DLC1: variants seen among roughly 807,000 people sequenced by gnomAD.
The protein encoded by DLC1 is rho GTPase-activating protein 7.
DLC1 carries 54 observed loss-of-function variants against 140.3 expected under a neutral mutation model. The observed-to-expected ratio is 0.38, with a 90% CI of 0.31 to 0.48. The LOEUF is 0.48. Among genes scored for constraint, DLC1 ranks in the 20% least tolerant of loss-of-function variants. DLC1 has a pLI of 0.96. For missense variants in DLC1, 2,536 were observed against 1,907.0 expected (o/e 1.33, Z -6.14); for synonymous variants, 986 against 728.1 (o/e 1.35, Z -5.70).
At chr8:13,116,702 T>C (rs905686560) in intron 5 of DLC1, among the ~76,000 whole-genome samples, 4 of 152,230 alleles carry the variant, frequency 2.6e-5, no homozygotes, top group Non-Finnish European at 5.9e-5. Flanking sequence ...CCTGAGTTCC[T>C]TGGCCTTTGA....
At chr8:13,449,728 G>C (rs1253714267) in intron 2 of DLC1, among the ~76,000 whole-genome samples, 2 of 152,062 alleles carry the variant, frequency 1.3e-5, no homozygotes, top group South Asian at 2.1e-4. Context: ...TAAATGACAA[G>C]TTAATGGGTA....
intron 5 of DLC1, among the ~76,000 whole-genome samples, chr8:13,160,548 G>A (rs1323225238): frequency 6.6e-6 from 1 of 152,182 alleles, no homozygotes; most frequent in Non-Finnish European, 1.5e-5. Flanking sequence ...TCCATAAGGC[G>A]AGCAAGGGCC....
At position 13,484,241 on chromosome 8, in the gene DLC1, A is replaced by T. The variant is rs561914590; in HGVS notation, c.1023+14808T>A. Among the ~76,000 whole-genome samples the T allele has an allele frequency of 2.0e-5, 3 of 152,332 alleles. No homozygotes were observed. The East Asian group carries it at 5.8e-4, about 29-fold the overall frequency. ...AGAATAAAGGAAATGGATATGAGAGATCATGAAGATGTAAAATTATTATGT... is the reference window on the plus strand; with the variant it reads ...AGAATAAAGGAAATGGATATGAGAGTTCATGAAGATGTAAAATTATTATGT... On this transcript the variant is annotated intron_variant, in intron 2 of 17. Transcript: ENST00000276297.
intron 5 of DLC1, among the ~76,000 whole-genome samples, chr8:13,185,741 T>C (rs896243426): frequency 2.0e-5 from 3 of 152,188 alleles, no homozygotes; most frequent in African/African-American, 7.2e-5. Context: ...CTGCCTAACA[T>C]TGATGGTCTT....
At chr8:13,539,259 G>T (rs1803404201) in intron 1 of DLC1, among the ~76,000 whole-genome samples, 1 of 152,006 alleles carries the variant, frequency 6.6e-6, no homozygotes. Context: ...GAGTGCAGTG[G>T]CGCAATCTCA....
chr8:13,218,293 G>T (rs917004704), intron 5 of DLC1, among the ~76,000 whole-genome samples: 2 of 152,090 alleles, frequency 1.3e-5, no homozygotes, highest in African/African-American at 4.8e-5. Context: ...ACTCCTAGAA[G>T]AAAGCATAGA....
At chr8:13,567,818 T>G in intron 1 of DLC1, 1 of 1,551,842 alleles carries the variant, frequency 6.4e-7, no homozygotes, top group Non-Finnish European at 8.7e-7. Context: ...TACTCTGGTT[T>G]TGAAAGATCA....
At chr8:13,365,841 A>G (rs1835454646) in intron 4 of DLC1, among the ~76,000 whole-genome samples, 1 of 152,178 alleles carries the variant, frequency 6.6e-6, no homozygotes, top group African/African-American at 2.4e-5. Context: ...TTAAAAATAA[A>G]TATATACAAG....
At position 13,167,741 on chromosome 8, in the gene DLC1, A is replaced by G. The variant is rs539533376; in HGVS notation, c.1349-52084T>C. Among the ~76,000 whole-genome samples, 12 of 152,350 alleles carry G rather than the reference A, an allele frequency of 7.9e-5. No homozygotes were observed. In the South Asian group the frequency reaches 1.7e-3, roughly 21 times the overall value. On this transcript the variant is annotated intron_variant, in intron 5 of 17. Transcript: ENST00000276297. The stretch of plus-strand genomic sequence containing the variant: ...AATTCTGGGCGGAGTCCCACAAAAC[A>G]GTATTTATTTGATCCATACAGTCTT...
chr8:13,099,326 A>G (rs1301443635), intron 9 of DLC1, 21 bp downstream of exon 9: 2 of 1,602,370 alleles, frequency 1.2e-6, no homozygotes, highest in Non-Finnish European at 1.7e-6. Context: ...CCACACCCGG[A>G]GGCAGGAGAA....
At chr8:13,268,276 A>C (rs1445291372) in intron 5 of DLC1, among the ~76,000 whole-genome samples, 1 of 152,198 alleles carries the variant, frequency 6.6e-6, no homozygotes, top group Non-Finnish European at 1.5e-5. Context: ...TCTTATAAAG[A>C]GGAGAATGGC....
chr8:13,192,327 T>C (rs1826806718), intron 5 of DLC1, among the ~76,000 whole-genome samples: 1 of 152,246 alleles, frequency 6.6e-6, no homozygotes, highest in Admixed American at 6.5e-5. Context: ...GTGATGCCCT[T>C]TTTAAAAATG....
intron 5 of DLC1, among the ~76,000 whole-genome samples, chr8:13,231,799 A>G (rs1472303585): frequency 6.6e-6 from 1 of 152,242 alleles, no homozygotes; most frequent in African/African-American, 2.4e-5. Context: ...AATTCCTTTT[A>G]AACAATCTTT....
chr8:13,245,756 A>G (rs1010869503), intron 5 of DLC1, among the ~76,000 whole-genome samples: 1 of 152,076 alleles, frequency 6.6e-6, no homozygotes, highest in African/African-American at 2.4e-5. Flanking sequence ...GCTGGAGTGC[A>G]GTGGCATGAT....
chr8:13,357,053 G>A (rs952731367), intron 4 of DLC1, among the ~76,000 whole-genome samples: 9 of 151,884 alleles, frequency 5.9e-5, no homozygotes, highest in Non-Finnish European at 1.2e-4. Flanking sequence ...CGGATCACTT[G>A]AGGCCAGGAG....
chr8:13,191,420 T>C (rs1826746443), intron 5 of DLC1, among the ~76,000 whole-genome samples: 1 of 152,164 alleles, frequency 6.6e-6, no homozygotes, highest in Admixed American at 6.5e-5. Context: ...GGCAGAAGAA[T>C]CACTTGACCT....
At chr8:13,350,603 G>C (rs1178427159) in intron 4 of DLC1, among the ~76,000 whole-genome samples, 2 of 152,082 alleles carry the variant, frequency 1.3e-5, no homozygotes, top group Non-Finnish European at 2.9e-5. Context: ...GTAATGACAG[G>C]TACTTGGGTG....
At chr8:13,119,279 G>C (rs1820836256) in intron 5 of DLC1, among the ~76,000 whole-genome samples, 1 of 150,636 alleles carries the variant, frequency 6.6e-6, no homozygotes, top group Non-Finnish European at 1.5e-5. Flanking sequence ...GGTTTTCAAG[G>C]CTCTCCACTT....
intron 2 of DLC1, among the ~76,000 whole-genome samples, chr8:13,471,148 G>C (rs73208059): frequency 6.6e-6 from 1 of 151,754 alleles, no homozygotes; most frequent in African/African-American, 2.4e-5. Context: ...GGGGTTGGGG[G>C]GAGGGAGAAA....
Sources: allele counts gnomAD v4.1 joint callset (sites outside exome capture counted in the v4.1 genomes callset), GRCh38; gene constraint gnomAD v4.1.1; transcripts MANE v1.5; gene names NCBI Gene and HGNC (gene_info 2026-07-23, HGNC 2026-07-21).